CACNA1A: variants seen among roughly 807,000 people sequenced by gnomAD.
CACNA1A encodes the protein voltage-dependent P/Q-type calcium channel subunit alpha-1A.
Under a neutral mutation model 262.4 loss-of-function variants are expected in CACNA1A, and 57 were observed. The ratio of observed to expected loss-of-function variants is 0.22; its 90% confidence interval spans 0.18 to 0.27. The LOEUF (loss-of-function observed/expected upper bound fraction) is 0.27, where lower values mean the gene tolerates loss of function less well. Among genes scored for constraint, CACNA1A ranks in the 10% least tolerant of loss-of-function variants. The pLI is 1.00. For synonymous variants in CACNA1A, 1,431 were observed against 1,419.3 expected (o/e 1.01, Z -0.18); for missense variants, 2,526 against 3,562.8 (o/e 0.71, Z 7.41).
chr19:13,454,790 C>CA (rs1404823628), intron 2 of CACNA1A, among the ~76,000 whole-genome samples: 1 of 151,830 alleles, frequency 6.6e-6, no homozygotes, highest in Non-Finnish European at 1.5e-5. Context: ...CCCATCTCTA[C>CA]AAAAAAAGAT....
intron 3 of CACNA1A, among the ~76,000 whole-genome samples, chr19:13,395,372 G>A (rs1599361509): frequency 6.6e-6 from 1 of 151,424 alleles, no homozygotes; most frequent in Middle Eastern, 3.4e-3. Flanking sequence ...AGGACTTTGG[G>A]AGGCCCAGGT....
At chr19:13,223,511 C>T (rs1366244438) in intron 38 of CACNA1A, among the ~76,000 whole-genome samples, 1 of 152,170 alleles carries the variant, frequency 6.6e-6, no homozygotes, top group Non-Finnish European at 1.5e-5. Context: ...TAAGCTGCCG[C>T]CCTGTCTCCA....
At chr19:13,247,959 TG>T (rs2056294070) in intron 30 of CACNA1A, among the ~76,000 whole-genome samples, 1 of 152,038 alleles carries the variant, frequency 6.6e-6, no homozygotes, top group African/African-American at 2.4e-5. Flanking sequence ...CCCTGTGAGG[TG>T]GGATGACTCT....
At position 13,208,765 on chromosome 19, in the gene CACNA1A, C is replaced by A. The variant is rs753884600; in HGVS notation, c.6771G>T (p.Ala2257=). The change falls in exon 46 of 47, where the codon GCG becomes GCT. Residue 2257 remains alanine (A), a synonymous_variant. Transcript: ENST00000360228. ...RSPSEGREHM[A]HRQGSSSVSG... is the part of the protein sequence containing the mutation. ...TTGCAGCCGCACCCACCTGCCGGTG[C>A]GCCATGTGCTCTCGGCCCTCGCTGG... 9.5e-6 allele frequency: 15 copies of A among 1,574,308 alleles called. No individual in the cohort carries two copies. Among genetic ancestry groups the A allele is most frequent in the Admixed American group, 1.7e-5 (1 of 57,682 alleles).
intron 1 of CACNA1A, among the ~76,000 whole-genome samples, chr19:13,466,404 G>A (rs941933085): frequency 3.3e-5 from 5 of 150,800 alleles, no homozygotes; most frequent in East Asian, 2.0e-4. Context: ...GCAGTGGCAC[G>A]ATCTTGGCTC....
chr19:13,346,039 T>A (rs2058758463), intron 6 of CACNA1A, among the ~76,000 whole-genome samples: 1 of 151,770 alleles, frequency 6.6e-6, no homozygotes, highest in Admixed American at 6.6e-5. Flanking sequence ...TAGCTGAGAG[T>A]ACACGCGTGC....
intron 10 of CACNA1A, among the ~76,000 whole-genome samples, chr19:13,319,133 G>T (rs548766184): frequency 6.6e-6 from 1 of 152,114 alleles, no homozygotes; most frequent in Non-Finnish European, 1.5e-5. Context: ...GGGTTCAAGC[G>T]ATCCTCCCGC....
In CACNA1A at chr19:13,473,277, G is replaced by A. The variant is rs543403704; in HGVS notation, c.294-18065C>T. On this transcript the variant is annotated intron_variant, in intron 1 of 46. Coordinates refer to ENST00000360228, the MANE Select transcript of CACNA1A (RefSeq NM_001127222.2). ...CAAAAAAAAAAAAAAGAGAGAGAGAGAAGAGGAAGAGAAGACACTGACATG... is the reference window on the plus strand; with the variant it reads ...CAAAAAAAAAAAAAAGAGAGAGAGAAAAGAGGAAGAGAAGACACTGACATG... 2.0e-5 allele frequency among the ~76,000 whole-genome samples: 3 copies of A among 151,642 alleles called. No homozygotes were observed. The South Asian group carries it at 6.2e-4, about 32-fold the overall frequency.
At chr19:13,228,866 C>A (rs757064187) in intron 36 of CACNA1A, 4 of 802,296 alleles carry the variant, frequency 5.0e-6, no homozygotes, top group Non-Finnish European at 8.1e-6. Flanking sequence ...ACAGCGAGGT[C>A]ATGATGCCCG....
At chr19:13,227,627 G>A (rs201638605) in intron 36 of CACNA1A, 100 bp from the exon 37 acceptor site, 2 of 462,460 alleles carry the variant, frequency 4.3e-6, no homozygotes, top group Non-Finnish European at 3.7e-6. Flanking sequence ...AGAAACAGAA[G>A]AAAGAAAAAA....
At chr19:13,469,653 G>A (rs1295945240) in intron 1 of CACNA1A, among the ~76,000 whole-genome samples, 1 of 148,720 alleles carries the variant, frequency 6.7e-6, no homozygotes, top group Non-Finnish European at 1.5e-5. Context: ...TAGAGACAGG[G>A]TTTCACCGTG....
intron 24 of CACNA1A, among the ~76,000 whole-genome samples, chr19:13,265,246 T>C (rs1000267246): frequency 2.0e-5 from 3 of 152,344 alleles, no homozygotes; most frequent in African/African-American, 2.4e-5. Context: ...GACACGTGAA[T>C]GCCTCCGGTT....
At position 13,368,911 on chromosome 19, in the gene CACNA1A, G is replaced by A. The variant is rs1043305704; in HGVS notation, c.631+2777C>T. ...AAATTAGCCGGGCGTGGTAGCGGGC[G>A]CCTGTAGTCCCAGCTACTCGGGAGG... On this transcript the variant is annotated intron_variant, in intron 4 of 46. Coordinates refer to ENST00000360228, the MANE Select transcript of CACNA1A (RefSeq NM_001127222.2). Among the ~76,000 whole-genome samples, 2 of 143,382 alleles carry A rather than the reference G, an allele frequency of 1.4e-5. 1 individual carries two copies. The highest frequency in any genetic ancestry group is 4.1e-4 in the East Asian group (2 of 4,880). The allele number at this position is 143,382 out of a possible 152,430, so 94.1% of individuals were successfully genotyped here.
chr19:13,422,452 A>G (rs2060331870), intron 3 of CACNA1A, among the ~76,000 whole-genome samples: 1 of 152,236 alleles, frequency 6.6e-6, no homozygotes, highest in Non-Finnish European at 1.5e-5. Flanking sequence ...ACAAGAAGAA[A>G]GACTTGGTGA....
rs375486960 is a variant in CACNA1A, at chr19:13,455,176, C to A, written c.330G>T (p.Ala110=). ...GCTCCAGTGCGAGGACGATGCAATTCGCTATGATGGTGGCTAAAATCATAT... is the reference window on the plus strand; with the variant it reads ...GCTCCAGTGCGAGGACGATGCAATTAGCTATGATGGTGGCTAAAATCATAT... ...FEYMILATII[A]NCIVLALEQH... Residue 110 remains alanine, a synonymous_variant, in exon 2 of 47, where the codon GCG becomes GCT. Transcript: ENST00000360228. 6.2e-7 allele frequency: 1 copy of A among 1,612,040 alleles called. No homozygotes were observed.
intron 4 of CACNA1A, chr19:13,365,971 CTATTAT>C (rs551091742): frequency 0.012 from 1,828 of 151,404 alleles, 27 homozygotes; most frequent in South Asian, 0.048. Flanking sequence ...TACCTGGCCC[CTATTAT>C]TATTATTATT....
At chr19:13,417,654 C>G (rs578136475) in intron 3 of CACNA1A, among the ~76,000 whole-genome samples, 1 of 151,996 alleles carries the variant, frequency 6.6e-6, no homozygotes, top group African/African-American at 2.4e-5. Context: ...TTTGGGAGAC[C>G]GAGGCGGGTG....
At chr19:13,355,649 G>C (rs59268667) in intron 6 of CACNA1A, among the ~76,000 whole-genome samples, 16,573 of 152,114 alleles carry the variant, frequency 0.11, 1,235 homozygotes, top group East Asian at 0.41. Context: ...CCTAGGGGTT[G>C]TCCATGCAGG....
At chr19:13,223,063 C>T (rs1157841531) in intron 38 of CACNA1A, among the ~76,000 whole-genome samples, 3 of 152,110 alleles carry the variant, frequency 2.0e-5, no homozygotes, top group Admixed American at 1.3e-4. Context: ...CTCGTTCTGT[C>T]GCCCAGGCTG....
Sources: gnomAD v4.1 joint callset for allele counts (sites outside exome capture counted in the v4.1 genomes callset) on GRCh38, gnomAD v4.1.1 for gene constraint, MANE v1.5 for transcripts, NCBI Gene and HGNC (gene_info 2026-07-23, HGNC 2026-07-21) for gene names.